CEP85: variants seen among roughly 807,000 people sequenced by gnomAD.
The protein encoded by CEP85 is centrosomal protein of 85 kDa.
CEP85 carries 58 observed loss-of-function variants against 93.7 expected under a neutral mutation model. The ratio of observed to expected loss-of-function variants is 0.62; its 90% CI spans 0.50 to 0.77. The LOEUF is 0.77. CEP85 is among the 30% of genes least tolerant of loss of function. The probability of loss-of-function intolerance (pLI) is 0.00; values close to 1 mark genes in which losing one functional copy is unlikely to be tolerated. For synonymous variants in CEP85, 314 were observed against 338.6 expected, an observed-to-expected ratio of 0.93 and a Z score of 0.80; for missense variants, 868 against 922.0, an observed-to-expected ratio of 0.94 and a Z score of 0.76.
chr1:26,245,693 CT>C (rs1355370692), intron 3 of CEP85, among the ~76,000 whole-genome samples: 1 of 152,058 alleles, frequency 6.6e-6, no homozygotes, highest in African/African-American at 2.4e-5. Context: ...TAAATTTTTT[CT>C]GTATTATTTC....
chr1:26,246,621 C>T (rs1244584889), intron 3 of CEP85, among the ~76,000 whole-genome samples: 2 of 151,618 alleles, frequency 1.3e-5, no homozygotes, highest in African/African-American at 4.8e-5. Context: ...GTAATCTACT[C>T]GGGAGGCTGA....
intron 11 of CEP85, chr1:26,272,442 A>G (rs929792654): frequency 4.1e-6 from 1 of 242,568 alleles, no homozygotes; most frequent in Non-Finnish European, 8.2e-6. Context: ...GAGTGGGAAC[A>G]TGGAGACATG....
chr1:26,239,824 A>G lies in CEP85; in HGVS notation c.41A>G (p.His14Arg). 1 of 1,613,692 alleles carries G rather than the reference A, an allele frequency of 6.2e-7. No homozygotes were observed. Among genetic ancestry groups the G allele is most frequent in the Non-Finnish European group, 8.5e-7 (1 of 1,179,594 alleles). The part of the protein sequence containing the change: ...QEKYPTEGIS[H>R]VTSPSSDVIQ... Reference sequence around the variant, plus strand: ...AAATATCCAACTGAGGGGATCTCTCACGTCACTTCACCGAGTGAGTAGTCA... The same window carrying G: ...AAATATCCAACTGAGGGGATCTCTCGCGTCACTTCACCGAGTGAGTAGTCA... Residue 14 changes from histidine to arginine, a missense_variant, in exon 2 of 14, where the codon CAC (histidine) becomes CGC (arginine). Coordinates refer to ENST00000451429, the MANE Select transcript of CEP85 (RefSeq NM_001319944.2).
chr1:26,261,365 A>G (rs1314578309), intron 7 of CEP85, among the ~76,000 whole-genome samples: 1 of 152,020 alleles, frequency 6.6e-6, no homozygotes, highest in African/African-American at 2.4e-5. Flanking sequence ...CCAGCTACTC[A>G]GGAGGCTGAA....
chr1:26,258,303 C>A, intron 6 of CEP85, 43 bp downstream of exon 6: 1 of 1,286,410 alleles, frequency 7.8e-7, no homozygotes, highest in South Asian at 1.2e-5. Context: ...TGTCATAACT[C>A]GGTGTCTTCC....
chr1:26,268,422 C>A, intron 7 of CEP85, 61 bp from the exon 8 acceptor site: 1 of 1,593,226 alleles, frequency 6.3e-7, no homozygotes, highest in South Asian at 1.1e-5. Flanking sequence ...CACAGCACTG[C>A]ACTCCAGCAG....
intron 10 of CEP85, chr1:26,271,814 T>G (rs2089979342): frequency 1.0e-5 from 6 of 591,462 alleles, no homozygotes; most frequent in Non-Finnish European, 1.8e-5. Flanking sequence ...TGTATAAACC[T>G]TTGTGATTGG....
At position 26,245,566 on chromosome 1, in the gene CEP85, G is replaced by A. The variant is rs556059839; in HGVS notation, c.208+1248G>A. On this transcript the variant is annotated intron_variant, in intron 3 of 13. Coordinates refer to ENST00000451429, the MANE Select transcript of CEP85 (RefSeq NM_001319944.2). ...TTGTTTTCACACTTAAGTATTGACA[G>A]GCAATACTTTATAAGGGCATTTTGT... is the stretch of plus-strand genomic sequence containing the variant. 2.6e-5 allele frequency among the ~76,000 whole-genome samples: 4 copies of A among 152,196 alleles called. No homozygotes were observed. In the South Asian group the frequency reaches 8.3e-4, roughly 32 times the overall value.
chr1:26,263,961 A>G (rs2089852870), intron 7 of CEP85, among the ~76,000 whole-genome samples: 1 of 152,196 alleles, frequency 6.6e-6, no homozygotes. Flanking sequence ...AGATTTGGAT[A>G]TACAAAGGTG....
At chr1:26,269,204 C>G (rs2089935947) in intron 8 of CEP85, 6 of 470,966 alleles carry the variant, frequency 1.3e-5, no homozygotes, top group South Asian at 1.2e-4. Flanking sequence ...TGGTTCAACC[C>G]TAGCCAATAG....
At chr1:26,246,927 C>T (rs1267861649) in intron 3 of CEP85, among the ~76,000 whole-genome samples, 1 of 152,174 alleles carries the variant, frequency 6.6e-6, no homozygotes, top group African/African-American at 2.4e-5. Flanking sequence ...TATCAGGGGT[C>T]TCCAACCCCT....
chr1:26,237,338 C>T (rs903930029), intron 1 of CEP85, among the ~76,000 whole-genome samples: 2 of 152,162 alleles, frequency 1.3e-5, no homozygotes, highest in Non-Finnish European at 2.9e-5. Flanking sequence ...AAAAGAAACC[C>T]GGTATCCATT....
chr1:26,267,475 ACT>A (rs1029242869), intron 7 of CEP85, among the ~76,000 whole-genome samples: 7 of 151,806 alleles, frequency 4.6e-5, no homozygotes, highest in South Asian at 2.1e-4. Context: ...GAGGCAGGAG[ACT>A]CTCTTGAACC....
In CEP85 at chr1:26,253,994, C is replaced by CA. The variant is rs796535766; in HGVS notation, c.209-1167dup. Among the ~76,000 whole-genome samples the CA allele has an allele frequency of 6.1e-3, 893 of 147,026 alleles. 7 individuals are homozygous for CA. Among genetic ancestry groups the CA allele is most frequent in the African/African-American group, 0.021 (861 of 40,246 alleles). On this transcript the variant is annotated intron_variant, in intron 3 of 13. Transcript: ENST00000451429. ...TGGGTGACAGAGTGAGACCCCATTT[C>CA]AAAAAAAAAAGTTGTTTAATGAGAA...
rs753036563 is a variant in CEP85, at chr1:26,277,300, C to T, written c.*7C>T. ...AAACTGTGTCACACAGTGAGGAATT[C>T]TGGGGGATTCCCCCAGGGAGGAGCT... On this transcript the variant is annotated 3_prime_UTR_variant, in exon 14 of 14. Coordinates refer to ENST00000451429, the MANE Select transcript of CEP85 (RefSeq NM_001319944.2). The T allele has an allele frequency of 1.2e-6, 2 of 1,606,380 alleles. No homozygotes were observed. Among genetic ancestry groups the T allele is most frequent in the Admixed American group, 1.7e-5 (1 of 59,906 alleles).
intron 6 of CEP85, among the ~76,000 whole-genome samples, chr1:26,258,666 G>A (rs545903372): frequency 6.6e-5 from 10 of 151,410 alleles, no homozygotes; most frequent in South Asian, 2.1e-4. Context: ...GCACAATCTC[G>A]GCTCACTGCA....
intron 3 of CEP85, among the ~76,000 whole-genome samples, chr1:26,245,851 C>T (rs953805618): frequency 6.6e-6 from 1 of 152,082 alleles, no homozygotes; most frequent in African/African-American, 2.4e-5. Context: ...AAAACATCTA[C>T]TCCACAGCCA....
intron 1 of CEP85, among the ~76,000 whole-genome samples, chr1:26,235,181 G>T (rs980342998): frequency 6.6e-6 from 1 of 152,196 alleles, no homozygotes; most frequent in Admixed American, 6.5e-5. Context: ...TTCCCAACAC[G>T]TGGCTCAGAG....
intron 1 of CEP85, among the ~76,000 whole-genome samples, 158 bp downstream of exon 1, chr1:26,234,468 A>C (rs2089292290): frequency 6.6e-6 from 1 of 152,052 alleles, no homozygotes; most frequent in African/African-American, 2.4e-5. Context: ...GCCCCGGCAT[A>C]CGCCCTCTCG....
Sources: allele counts gnomAD v4.1 joint callset (sites outside exome capture counted in the v4.1 genomes callset), GRCh38; gene constraint gnomAD v4.1.1; transcripts MANE v1.5; gene names NCBI Gene and HGNC (gene_info 2026-07-23, HGNC 2026-07-21).